Variants in WWP2 observed in about 807,000 individuals in gnomAD.
WWP2 encodes NEDD4-like E3 ubiquitin-protein ligase WWP2.
WWP2 carries 57 observed loss-of-function variants against 121.0 expected under a neutral mutation model. The ratio of observed to expected loss-of-function variants is 0.47; its 90% confidence interval spans 0.38 to 0.59. WWP2 has a LOEUF of 0.59. WWP2 is among the 20% of genes least tolerant of loss of function. The pLI, the probability that WWP2 is intolerant of heterozygous loss-of-function variation, is 0.00. For missense variants in WWP2, 962 were observed against 1,158.9 expected (o/e 0.83, Z 2.47); for synonymous variants, 449 against 441.3 (o/e 1.02, Z -0.22).
At chr16:69,898,018 T>C (rs1438054291) in intron 8 of WWP2, among the ~76,000 whole-genome samples, 1 of 124,810 alleles carries the variant, frequency 8.0e-6, no homozygotes, top group East Asian at 3.5e-4. Flanking sequence ...CTTTTTCTTT[T>C]CTTTCTTTCT....
chr16:69,820,035 G>A (rs1309522255), intron 4 of WWP2, among the ~76,000 whole-genome samples: 6 of 152,064 alleles, frequency 3.9e-5, no homozygotes, highest in Non-Finnish European at 8.8e-5. Flanking sequence ...GATGGGGTTC[G>A]AGACTAGCCT....
intron 6 of WWP2, among the ~76,000 whole-genome samples, chr16:69,842,905 C>A (rs2057005261): frequency 6.6e-6 from 1 of 152,048 alleles, no homozygotes; most frequent in South Asian, 2.1e-4. Flanking sequence ...CTGGACTCAA[C>A]CGATTCTCCT....
chr16:69,769,145 A>G (rs1297929557), intron 1 of WWP2, among the ~76,000 whole-genome samples: 2 of 152,014 alleles, frequency 1.3e-5, no homozygotes, highest in Admixed American at 1.3e-4. Flanking sequence ...GATGAAACCC[A>G]TCTCTACTAA....
chr16:69,907,969 G>A (rs555717661), intron 8 of WWP2, among the ~76,000 whole-genome samples: 52 of 152,304 alleles, frequency 3.4e-4, no homozygotes, highest in Admixed American at 1.6e-3. Context: ...AGCCGGGTGC[G>A]GTGGCTCACT....
chr16:69,826,607 C>T (rs1211895886), intron 4 of WWP2, among the ~76,000 whole-genome samples: 5 of 144,192 alleles, frequency 3.5e-5, no homozygotes, highest in Non-Finnish European at 3.0e-5. Context: ...GAGCCGGGCA[C>T]GGTGGCTAAG....
In WWP2 at chr16:69,775,751, T is replaced by G. The variant is rs2055512893; in HGVS notation, c.-15-11245T>G. ...GAGAGCTAGACATTGACCTTCTTCC[T>G]GCTGATCAGTTCCTCTTCCTTACCC... On this transcript the variant is annotated intron_variant, in intron 1 of 23. Transcript: ENST00000359154. Among the ~76,000 whole-genome samples, 3 of 152,230 alleles carry G rather than the reference T, an allele frequency of 2.0e-5. No individual in the cohort carries two copies. The South Asian group carries it at 6.2e-4, about 31-fold the overall frequency.
chr16:69,830,224 G>A (rs2056770152), intron 4 of WWP2, among the ~76,000 whole-genome samples: 1 of 152,120 alleles, frequency 6.6e-6, no homozygotes, highest in African/African-American at 2.4e-5. Context: ...CAAAGAGCTG[G>A]GATTACAGGC....
intron 4 of WWP2, among the ~76,000 whole-genome samples, chr16:69,836,347 G>T (rs78891517): frequency 6.6e-6 from 1 of 151,592 alleles, no homozygotes; most frequent in Non-Finnish European, 1.5e-5. Context: ...AGGAGTTCAG[G>T]ACAGTTATTG....
chr16:69,820,586 G>A (rs148290400), intron 4 of WWP2, among the ~76,000 whole-genome samples: 2,046 of 129,802 alleles, frequency 0.016, 524 homozygotes, highest in Middle Eastern at 0.037. Context: ...CACACGTATT[G>A]TATATTGTGG....
At chr16:69,850,707 G>A (rs2057192451) in intron 6 of WWP2, among the ~76,000 whole-genome samples, 1 of 152,186 alleles carries the variant, frequency 6.6e-6, no homozygotes, top group East Asian at 1.9e-4. Context: ...GGAAATAAAA[G>A]TCATTTAGAA....
chr16:69,826,436 A>G (rs2056691500), intron 4 of WWP2, among the ~76,000 whole-genome samples: 1 of 150,614 alleles, frequency 6.6e-6, no homozygotes, highest in Non-Finnish European at 1.5e-5. Flanking sequence ...GCCGGGCGTG[A>G]TGGTGGGTGC....
chr16:69,813,118 G>T (rs1248905230), intron 4 of WWP2, among the ~76,000 whole-genome samples: 1 of 151,726 alleles, frequency 6.6e-6, no homozygotes, highest in African/African-American at 2.4e-5. Context: ...TCTACTCATG[G>T]ATTCAGATTT....
At chr16:69,788,452 G>A (rs933505197) in intron 2 of WWP2, among the ~76,000 whole-genome samples, 7 of 152,178 alleles carry the variant, frequency 4.6e-5, no homozygotes, top group African/African-American at 1.7e-4. Context: ...CTCATCTCCT[G>A]TTCCTGGTCT....
In WWP2 at chr16:69,841,957, T is replaced by C. The variant is rs1393632700; in HGVS notation, c.479-67T>C. The C allele has an allele frequency of 4.0e-6, 6 of 1,507,100 alleles. No individual in the cohort carries two copies. In the African/African-American group the frequency reaches 4.1e-5, roughly 10 times the overall value. 93.4% of individuals were successfully genotyped at this position (1,507,100 alleles called of 1,614,324 possible). On this transcript the variant is annotated intron_variant, in intron 5 of 23. Transcript: ENST00000359154. Reference sequence around the variant, plus strand: ...ACAGACGGAGTTCTGTTCCTGGCCGTCAAATCTCAAACACGAGTTGAGCTC... The same window carrying C: ...ACAGACGGAGTTCTGTTCCTGGCCGCCAAATCTCAAACACGAGTTGAGCTC...
chr16:69,888,438 G>T (rs991664418), intron 8 of WWP2, among the ~76,000 whole-genome samples, 189 bp downstream of exon 8: 2 of 152,154 alleles, frequency 1.3e-5, no homozygotes, highest in Non-Finnish European at 2.9e-5. Context: ...AATCTCAGTC[G>T]CCTGGGGCAG....
At chr16:69,907,636 A>T (rs987372023) in intron 8 of WWP2, among the ~76,000 whole-genome samples, 1 of 152,234 alleles carries the variant, frequency 6.6e-6, no homozygotes, top group African/African-American at 2.4e-5. Context: ...CTGCATGCAA[A>T]TAACAGGAGT....
At chr16:69,910,045 CTA>C (rs1200643467) in intron 9 of WWP2, 2 of 153,264 alleles carry the variant, frequency 1.3e-5, no homozygotes, top group Admixed American at 6.6e-5. Context: ...GCAGCAGACT[CTA>C]TGGCTTGCAA....
intron 16 of WWP2, chr16:69,933,145 C>A: frequency 2.0e-6 from 1 of 505,470 alleles, no homozygotes; most frequent in East Asian, 5.6e-5. Flanking sequence ...GCTGTTCTAC[C>A]ACAGGGTAGA....
intron 6 of WWP2, among the ~76,000 whole-genome samples, chr16:69,847,071 T>A (rs1271998381): frequency 6.7e-6 from 1 of 149,130 alleles, no homozygotes; most frequent in Non-Finnish European, 1.5e-5. Flanking sequence ...TGCCAGGCTC[T>A]TTTTATTATT....
Sources: allele counts gnomAD v4.1 joint callset (sites outside exome capture counted in the v4.1 genomes callset), GRCh38; gene constraint gnomAD v4.1.1; transcripts MANE v1.5; gene names NCBI Gene and HGNC (gene_info 2026-07-23, HGNC 2026-07-21).